KCNIP4: variants seen among roughly 807,000 people sequenced by gnomAD.
The protein encoded by KCNIP4 is potassium voltage-gated channel interacting protein 4.
KCNIP4 carries 12 observed loss-of-function variants against 34.0 expected under a neutral mutation model. The ratio of observed to expected loss-of-function variants is 0.35; its 90% CI spans 0.23 to 0.57. KCNIP4 has a LOEUF of 0.57. KCNIP4 is among the 20% of genes least tolerant of loss of function. The pLI is 0.83. For synonymous variants in KCNIP4, 124 were observed against 102.2 expected (o/e 1.21, Z -1.29); for missense variants, 238 against 311.7 (o/e 0.76, Z 1.78).
chr4:21,117,777 T>A (rs1017147256), intron 1 of KCNIP4, among the ~76,000 whole-genome samples: 5 of 152,176 alleles, frequency 3.3e-5, no homozygotes, highest in Middle Eastern at 3.4e-3. Context: ...TAATGTGTCA[T>A]CCCTACTTGT....
chr4:21,839,323 T>C (rs976930697), intron 1 of KCNIP4, among the ~76,000 whole-genome samples: 1 of 152,230 alleles, frequency 6.6e-6, no homozygotes. Context: ...GTTCATGTGA[T>C]GCAAACATAA....
chr4:21,668,427 T>C (rs1749200623), intron 1 of KCNIP4, among the ~76,000 whole-genome samples: 3 of 152,208 alleles, frequency 2.0e-5, no homozygotes, highest in African/African-American at 4.8e-5. Flanking sequence ...GCACAAGGTA[T>C]GATGTGCTTC....
At chr4:21,623,701 T>C (rs1271434844) in intron 1 of KCNIP4, among the ~76,000 whole-genome samples, 1 of 152,102 alleles carries the variant, frequency 6.6e-6, no homozygotes, top group African/African-American at 2.4e-5. Flanking sequence ...CCAATAGTTC[T>C]TTCTTGTTGG....
At chr4:21,576,424 A>G (rs1051192980) in intron 1 of KCNIP4, among the ~76,000 whole-genome samples, 2 of 152,112 alleles carry the variant, frequency 1.3e-5, no homozygotes, top group African/African-American at 4.8e-5. Flanking sequence ...GCCGAAAAAC[A>G]CATTTAAATA....
intron 1 of KCNIP4, among the ~76,000 whole-genome samples, chr4:21,700,863 C>T (rs1239650132): frequency 1.3e-5 from 2 of 152,106 alleles, no homozygotes; most frequent in Admixed American, 1.3e-4. Context: ...TGTCCTCTCC[C>T]CATGGTGTGT....
chr4:21,359,233 G>T (rs1426259853), intron 1 of KCNIP4, among the ~76,000 whole-genome samples: 1 of 151,944 alleles, frequency 6.6e-6, no homozygotes, highest in Non-Finnish European at 1.5e-5. Flanking sequence ...CACTGCTTGA[G>T]CTGGGAAATT....
At chr4:20,824,557 G>A (rs1717494294) in intron 3 of KCNIP4, among the ~76,000 whole-genome samples, 1 of 152,068 alleles carries the variant, frequency 6.6e-6, no homozygotes, top group Admixed American at 6.5e-5. Context: ...GCATGTGCCT[G>A]TAGTCTCAGC....
Position 21,653,420 on chromosome 4 carries a change from T to A in KCNIP4, c.61+295151A>T, listed in dbSNP as rs1228990263. On this transcript the variant is annotated intron_variant, in intron 1 of 8. Coordinates refer to ENST00000382152, the MANE Select transcript of KCNIP4 (RefSeq NM_025221.6). ...ACCCAGGACAGGAGTTGGAACAGTCTTGTACATGTTAGCTAATATCAGTTT... is the reference window on the plus strand; with the variant it reads ...ACCCAGGACAGGAGTTGGAACAGTCATGTACATGTTAGCTAATATCAGTTT... Among the ~76,000 whole-genome samples, 3 of 152,226 alleles carry A rather than the reference T, an allele frequency of 2.0e-5. No homozygotes were observed. The South Asian group carries it at 6.2e-4, about 31-fold the overall frequency.
intron 1 of KCNIP4, among the ~76,000 whole-genome samples, chr4:21,475,941 G>A (rs7655788): frequency 0.27 from 41,138 of 151,752 alleles, 6,055 homozygotes; most frequent in African/African-American, 0.38. Flanking sequence ...TTTCCAATGC[G>A]CTGTTATTAA....
chr4:20,914,950 G>A (rs371361884), intron 1 of KCNIP4, among the ~76,000 whole-genome samples: 79 of 152,310 alleles, frequency 5.2e-4, no homozygotes, highest in African/African-American at 1.7e-3. Flanking sequence ...CTGAGAGACA[G>A]TAGTTCTGTG....
intron 1 of KCNIP4, among the ~76,000 whole-genome samples, chr4:21,589,281 G>C (rs538407106): frequency 1.7e-5 from 2 of 115,544 alleles, no homozygotes; most frequent in Non-Finnish European, 3.6e-5. Flanking sequence ...TATATGTATA[G>C]ATACATATAT....
intron 1 of KCNIP4, among the ~76,000 whole-genome samples, chr4:21,025,552 T>TTTTTG (rs1560656480): frequency 1.4e-5 from 1 of 72,722 alleles, no homozygotes; most frequent in African/African-American, 5.7e-5. Context: ...TGTTTTTTTT[T>TTTTTG]TTTTTTTTTT....
At chr4:21,058,933 T>C (rs1743664675) in intron 1 of KCNIP4, among the ~76,000 whole-genome samples, 1 of 152,120 alleles carries the variant, frequency 6.6e-6, no homozygotes, top group South Asian at 2.1e-4. Flanking sequence ...TCACGTGTCA[T>C]GGGAGAGACC....
At chr4:21,216,982 C>T (rs1007508257) in intron 1 of KCNIP4, among the ~76,000 whole-genome samples, 12 of 152,230 alleles carry the variant, frequency 7.9e-5, no homozygotes, top group South Asian at 4.1e-4. Flanking sequence ...CTCTGAATAC[C>T]TATTGTGATT....
At chr4:21,888,778 C>G (rs535151342) in intron 1 of KCNIP4, among the ~76,000 whole-genome samples, 12 of 152,230 alleles carry the variant, frequency 7.9e-5, no homozygotes, top group Non-Finnish European at 1.2e-4. Context: ...CACATAACTG[C>G]TCAAGGCTTT....
chr4:21,469,309 A>G (rs991239102), intron 1 of KCNIP4, among the ~76,000 whole-genome samples: 2 of 152,020 alleles, frequency 1.3e-5, no homozygotes, highest in African/African-American at 4.8e-5. Context: ...GCCTCCCAAC[A>G]TGTTAGGATT....
intron 1 of KCNIP4, among the ~76,000 whole-genome samples, chr4:21,094,061 G>A (rs976348463): frequency 3.0e-4 from 45 of 150,816 alleles, no homozygotes; most frequent in Non-Finnish European, 5.3e-4. Context: ...CAGCCTGGGC[G>A]ACAGAGCAAG....
At chr4:21,524,467 T>C (rs16871317) in intron 1 of KCNIP4, among the ~76,000 whole-genome samples, 32,878 of 152,152 alleles carry the variant, frequency 0.22, 3,853 homozygotes, top group East Asian at 0.37. Context: ...TCTTTCTGAC[T>C]TATGCAATAG....
At chr4:21,593,634 C>T (rs1382949977) in intron 1 of KCNIP4, among the ~76,000 whole-genome samples, 1 of 152,088 alleles carries the variant, frequency 6.6e-6, no homozygotes, top group Non-Finnish European at 1.5e-5. Context: ...TCCCACCCTC[C>T]TTATTGCCCC....
Sources: gnomAD v4.1 joint callset for allele counts (sites outside exome capture counted in the v4.1 genomes callset) on GRCh38, gnomAD v4.1.1 for gene constraint, MANE v1.5 for transcripts, NCBI Gene and HGNC (gene_info 2026-07-23, HGNC 2026-07-21) for gene names.